The following UGT1A8 variants were observed in gnomAD, a reference collection of about 807,000 sequenced individuals.
UGT1A8 encodes UDP glucuronosyltransferase family 1 member A8.
A neutral mutation model predicts 45.3 loss-of-function variants in UGT1A8; 39 were observed. The observed-to-expected ratio is 0.86, with a 90% CI of 0.67 to 1.12. The LOEUF is 1.12. Among genes scored for constraint, UGT1A8 ranks in the 50% most tolerant of loss-of-function variants. The probability of loss-of-function intolerance (pLI) is 0.00; values close to 1 mark genes in which losing one functional copy is unlikely to be tolerated. For missense variants in UGT1A8, 719 were observed against 664.9 expected, an observed-to-expected ratio of 1.08 and a Z score of -0.90; for synonymous variants, 275 against 249.2, an observed-to-expected ratio of 1.10 and a Z score of -0.97.
intron 1 of UGT1A8, among the ~76,000 whole-genome samples, chr2:233,684,647 T>A (rs1458462010): frequency 6.6e-6 from 1 of 152,170 alleles, no homozygotes; most frequent in African/African-American, 2.4e-5. Flanking sequence ...AATATATGCA[T>A]TTATATGCCT....
intron 1 of UGT1A8, among the ~76,000 whole-genome samples, chr2:233,661,027 A>G (rs766781366): frequency 1.3e-5 from 2 of 152,114 alleles, no homozygotes; most frequent in African/African-American, 2.4e-5. Flanking sequence ...ATATTAGAGT[A>G]TATAGGTATG....
At chr2:233,681,271 C>A (rs141901826) in intron 1 of UGT1A8, among the ~76,000 whole-genome samples, 4 of 151,932 alleles carry the variant, frequency 2.6e-5, no homozygotes, top group African/African-American at 9.7e-5. Context: ...TAGTGGCTCA[C>A]GCCTGTAATC....
rs963894028 is a variant in UGT1A8 at position 233,682,891 on chromosome 2, T to C, written c.855+64329T>C. The stretch of plus-strand genomic sequence containing the variant: ...ATTTATCATTTACATTTGTCCCATT[T>C]GGAATTTCTTTCTGGTTTAAGGAAT... On this transcript the variant is annotated intron_variant, in intron 1 of 4. Coordinates refer to ENST00000373450, the MANE Select transcript of UGT1A8 (RefSeq NM_019076.5). 6.6e-6 allele frequency: 10 copies of C among 1,508,600 alleles called. No individual in the cohort carries two copies. The African/African-American group carries it at 1.1e-4, about 17-fold the overall frequency. The allele number at this position is 1,508,600 out of a possible 1,614,324, so 93.5% of individuals were successfully genotyped here. A position where few individuals can be genotyped will look rare whatever the true frequency, so the allele number is the denominator to read the frequency against.
At chr2:233,636,613 G>A (rs755044385) in intron 1 of UGT1A8, 6 of 1,614,052 alleles carry the variant, frequency 3.7e-6, no homozygotes, top group Admixed American at 1.7e-5. Context: ...GCTGCTGGTA[G>A]TGCCCATGGA....
intron 1 of UGT1A8, among the ~76,000 whole-genome samples, chr2:233,633,121 T>A (rs566978914): frequency 1.3e-5 from 2 of 152,340 alleles, no homozygotes; most frequent in African/African-American, 4.8e-5. Context: ...TTTATTGATT[T>A]GTGTATGTTG....
At chr2:233,748,806 A>C (rs981596738) in intron 1 of UGT1A8, among the ~76,000 whole-genome samples, 1 of 151,326 alleles carries the variant, frequency 6.6e-6, no homozygotes, top group Non-Finnish European at 1.5e-5. Flanking sequence ...AATTATCAAG[A>C]AATTGTGGAA....
At chr2:233,732,692 C>T (rs1425902853) in intron 1 of UGT1A8, among the ~76,000 whole-genome samples, 1 of 150,324 alleles carries the variant, frequency 6.7e-6, no homozygotes, top group Non-Finnish European at 1.5e-5. Context: ...AGCACCCATG[C>T]TGTTTTGTTA....
At chr2:233,694,008 G>C in intron 1 of UGT1A8, 3 of 1,456,452 alleles carry the variant, frequency 2.1e-6, no homozygotes, top group Non-Finnish European at 2.8e-6. Context: ...TCGGAGCAGC[G>C]GGAACACATA....
chr2:233,693,284 T>C, intron 1 of UGT1A8: 1 of 1,614,156 alleles, frequency 6.2e-7, no homozygotes, highest in Non-Finnish European at 8.5e-7. Context: ...TTACCAATCA[T>C]TTGGAAACAA....
In UGT1A8 at chr2:233,754,741, T is replaced by C; in HGVS notation, c.856-12293T>C. On this transcript the variant is annotated intron_variant, in intron 1 of 4. Coordinates refer to ENST00000373450, the MANE Select transcript of UGT1A8 (RefSeq NM_019076.5). Reference sequence around the variant, plus strand: ...CCTGTCCCATCACTACCGTAGGACATGCAGAAGGAAGAAAGGCCCCCACTT... The same window carrying C: ...CCTGTCCCATCACTACCGTAGGACACGCAGAAGGAAGAAAGGCCCCCACTT... The C allele has an allele frequency of 7.1e-6, 5 of 707,448 alleles. No homozygotes were observed. In the South Asian group the frequency reaches 7.2e-5, roughly 10 times the overall value. The allele number at this position is 707,448 out of a possible 1,614,324, so 43.8% of individuals were successfully genotyped here. A position where few individuals can be genotyped will look rare whatever the true frequency, so the allele number is the denominator to read the frequency against.
chr2:233,647,948 G>T (rs2073643933), intron 1 of UGT1A8: 2 of 1,606,252 alleles, frequency 1.2e-6, no homozygotes, highest in Non-Finnish European at 1.7e-6. Flanking sequence ...GGGAGCCACT[G>T]GTTCACCATG....
Position 233,772,408 on chromosome 2 carries a change from A to T in UGT1A8, c.1442A>T (p.Tyr481Phe). The T allele has an allele frequency of 6.2e-7, 1 of 1,614,210 alleles. No homozygotes were observed. Among genetic ancestry groups the T allele is most frequent in the Middle Eastern group, 1.6e-4 (1 of 6,062 alleles). ...CCCGCAGCCCACGACCTCACCTGGT[A>T]CCAGTACCATTCCTTGGACGTGATT... ...LRPAAHDLTW[Y>F]QYHSLDVIGF... Residue 481 changes from tyrosine to phenylalanine, a missense_variant, in exon 5 of 5, where the codon TAC (tyrosine) becomes TTC (phenylalanine). Transcript: ENST00000373450.
At chr2:233,755,071 G>A (rs775333434) in intron 1 of UGT1A8, 133 of 1,336,342 alleles carry the variant, frequency 1.0e-4, no homozygotes, top group Non-Finnish European at 1.3e-4. Context: ...TCGCCATAGC[G>A]GTCATAGATA....
chr2:233,711,220 T>A (rs2885295), intron 1 of UGT1A8, among the ~76,000 whole-genome samples: 15,497 of 152,242 alleles, frequency 0.1, 901 homozygotes, highest in South Asian at 0.2. Context: ...AGTGCTCCCA[T>A]GTCGCTGAAG....
At chr2:233,745,949 A>G (rs1225490168) in intron 1 of UGT1A8, among the ~76,000 whole-genome samples, 4 of 151,666 alleles carry the variant, frequency 2.6e-5, no homozygotes, top group East Asian at 3.9e-4. Context: ...GGGTTGGGCA[A>G]CTGGGGGACA....
intron 1 of UGT1A8, among the ~76,000 whole-genome samples, chr2:233,756,671 T>G (rs1269369831): frequency 6.6e-6 from 1 of 152,214 alleles, no homozygotes; most frequent in Admixed American, 6.5e-5. Flanking sequence ...TTATTTCCGC[T>G]AGAACTGCTA....
chr2:233,653,028 C>A (rs2073777885), intron 1 of UGT1A8, among the ~76,000 whole-genome samples: 1 of 152,182 alleles, frequency 6.6e-6, no homozygotes, highest in African/African-American at 2.4e-5. Flanking sequence ...AGTGAACCCA[C>A]ATGGCCTCTC....
intron 1 of UGT1A8, among the ~76,000 whole-genome samples, chr2:233,628,965 C>A (rs971011590): frequency 6.6e-6 from 1 of 152,006 alleles, no homozygotes; most frequent in East Asian, 1.9e-4. Context: ...GGTGAAAACA[C>A]ATAGCATAAA....
chr2:233,629,911 G>T (rs1187464243), intron 1 of UGT1A8, among the ~76,000 whole-genome samples: 1 of 151,810 alleles, frequency 6.6e-6, no homozygotes, highest in Non-Finnish European at 1.5e-5. Flanking sequence ...CTTTTTTTTG[G>T]CATAAACTTG....
Sources: allele counts gnomAD v4.1 joint callset (sites outside exome capture counted in the v4.1 genomes callset), GRCh38; gene constraint gnomAD v4.1.1; transcripts MANE v1.5; gene names NCBI Gene and HGNC (gene_info 2026-07-23, HGNC 2026-07-21).